The following MDN1 variants were observed in gnomAD, a reference collection of about 807,000 sequenced individuals.
The protein encoded by MDN1 is midasin AAA ATPase 1.
MDN1 carries 266 observed loss-of-function variants against 669.2 expected under a neutral mutation model. The observed-to-expected ratio is 0.40, with a 90% confidence interval of 0.36 to 0.44. The LOEUF (loss-of-function observed/expected upper bound fraction) is 0.44, where lower values mean the gene tolerates loss of function less well. Among genes scored for constraint, MDN1 ranks in the 20% least tolerant of loss-of-function variants. MDN1 has a pLI of 1.00. For synonymous variants in MDN1, 2,385 were observed against 2,457.1 expected, an observed-to-expected ratio of 0.97 and a Z score of 0.87; for missense variants, 5,940 against 6,754.0, an observed-to-expected ratio of 0.88 and a Z score of 4.22.
At chr6:89,741,228 T>A (rs1816280945) in intron 31 of MDN1, among the ~76,000 whole-genome samples, 1 of 152,118 alleles carries the variant, frequency 6.6e-6, no homozygotes, top group Non-Finnish European at 1.5e-5. Flanking sequence ...CAGGATGCTG[T>A]CTCAAAACAA....
chr6:89,764,441 C>CA (rs1817702240), intron 15 of MDN1, among the ~76,000 whole-genome samples: 1 of 152,088 alleles, frequency 6.6e-6, no homozygotes, highest in Non-Finnish European at 1.5e-5. Context: ...CCTGTCTCTA[C>CA]AAAAAATATA....
Position 89,727,841 on chromosome 6 carries a change from A to C in MDN1, c.5464T>G (p.Leu1822Val), listed in dbSNP as rs1291516871. ...AALKAGHWVV[L>V]DELNLASQSV... is the part of the protein sequence containing the mutation. Reference sequence around the variant, plus strand: ...ACAAACAGGCCCCTCACCTCATCCAACACCACCCAATGGCCTGCCTTCAAA... The same window carrying C: ...ACAAACAGGCCCCTCACCTCATCCACCACCACCCAATGGCCTGCCTTCAAA... The change falls in exon 37 of 102, where the codon TTG (leucine) becomes GTG (valine). Residue 1822 changes from leucine (L) to valine (V), a missense_variant. Leu to Val is a conservative substitution (Grantham distance 32). Transcript: ENST00000369393. 1 of 1,613,822 alleles carries C rather than the reference A, an allele frequency of 6.2e-7. No homozygotes were observed. The highest frequency in any genetic ancestry group is 2.2e-5 in the East Asian group (1 of 44,854).
At chr6:89,779,482 C>CTTTG (rs1273743322) in intron 11 of MDN1, among the ~76,000 whole-genome samples, 1 of 152,154 alleles carries the variant, frequency 6.6e-6, no homozygotes, top group African/African-American at 2.4e-5. Flanking sequence ...TTTATGGTGT[C>CTTTG]TTACAAAGAG....
intron 1 of MDN1, among the ~76,000 whole-genome samples, chr6:89,818,703 A>G (rs292236): frequency 0.14 from 21,603 of 151,712 alleles, 1,678 homozygotes; most frequent in South Asian, 0.24. Context: ...CCAGCTACTG[A>G]GAGGGTGAGG....
At chr6:89,758,573 G>A (rs545361985) in intron 18 of MDN1, among the ~76,000 whole-genome samples, 1 of 152,218 alleles carries the variant, frequency 6.6e-6, no homozygotes, top group Admixed American at 6.5e-5. Context: ...CCATTCACCT[G>A]TTATTTTATA....
At position 89,658,877 on chromosome 6, in the gene MDN1, T is replaced by C; in HGVS notation, c.14754A>G (p.Ala4918=). Residue 4918 remains alanine, a synonymous_variant, in exon 89 of 102, where the codon GCA becomes GCG. Transcript: ENST00000369393. ...CTCCTCTTTCCTCAGCTTCATGACCTGCTTCTTCTGGTTTTTCTTTTATCT... is the reference window on the plus strand; with the variant it reads ...CTCCTCTTTCCTCAGCTTCATGACCCGCTTCTTCTGGTTTTTCTTTTATCT... The part of the protein sequence containing the change: ...PLEIKEKPEE[A]GHEAEERGET... The C allele has an allele frequency of 6.2e-7, 1 of 1,613,120 alleles. No homozygotes were observed. Among genetic ancestry groups the C allele is most frequent in the South Asian group, 1.1e-5 (1 of 90,978 alleles).
intron 56 of MDN1, 85 bp downstream of exon 56, chr6:89,700,561 A>C (rs1228364989): frequency 1.8e-5 from 26 of 1,411,894 alleles, no homozygotes; most frequent in Non-Finnish European, 2.5e-5. Context: ...CCAGAAAAGA[A>C]AAATCTAAGG....
chr6:89,728,156 T>C (rs1020273089), intron 36 of MDN1, among the ~76,000 whole-genome samples: 1 of 152,150 alleles, frequency 6.6e-6, no homozygotes, highest in African/African-American at 2.4e-5. Context: ...ACATGTTCCA[T>C]ATATCAATCA....
At chr6:89,652,306 G>C (rs773109560) in intron 94 of MDN1, 25 bp from the exon 95 acceptor site, 1 of 1,601,756 alleles carries the variant, frequency 6.2e-7, no homozygotes, top group South Asian at 1.1e-5. Flanking sequence ...CCATAGATAA[G>C]AGGTGGCCCA....
chr6:89,706,246 C>T (rs1443311802), intron 52 of MDN1, 54 bp from the exon 53 acceptor site: 3 of 1,536,750 alleles, frequency 2.0e-6, no homozygotes, highest in African/African-American at 1.4e-5. Context: ...AAAATAATCT[C>T]TGGACATTTT....
At chr6:89,743,007 A>T (rs777483197) in intron 31 of MDN1, 143 bp downstream of exon 31, 161 of 967,204 alleles carry the variant, frequency 1.7e-4, no homozygotes, top group Non-Finnish European at 2.0e-4. Context: ...ACCTGAGCCC[A>T]GAAGTTTGAG....
Position 89,732,566 on chromosome 6 carries a change from T to C in MDN1, c.4933A>G (p.Ile1645Val). ...CTACCAGACAACATACCTGAACCTA[T>C]TCCATCTATGTACACCAGGCATGCA... ...HAACLVYIDG[I>V]GSGVTSSGFG... Residue 1645 changes from isoleucine (I) to valine (V), a missense_variant, in exon 34 of 102, where the codon ATA (isoleucine) becomes GTA (valine). Coordinates refer to ENST00000369393, the MANE Select transcript of MDN1 (RefSeq NM_014611.3). The C allele has an allele frequency of 1.2e-6, 2 of 1,614,092 alleles. No homozygotes were observed. Among genetic ancestry groups the C allele is most frequent in the South Asian group, 1.1e-5 (1 of 91,084 alleles).
intron 2 of MDN1, among the ~76,000 whole-genome samples, chr6:89,801,295 A>G (rs1767640453): frequency 1.3e-5 from 2 of 152,176 alleles, no homozygotes; most frequent in Non-Finnish European, 2.9e-5. Context: ...AGGCCGAGGC[A>G]GGCAGATCAC....
chr6:89,783,903 A>G (rs1818811873), intron 9 of MDN1, among the ~76,000 whole-genome samples: 1 of 151,998 alleles, frequency 6.6e-6, no homozygotes, highest in Non-Finnish European at 1.5e-5. Flanking sequence ...AATCGCTTGA[A>G]TATGGGAGGC....
intron 20 of MDN1, 99 bp downstream of exon 20, chr6:89,756,178 G>A (rs1817233754): frequency 1.8e-6 from 1 of 558,968 alleles, no homozygotes; most frequent in Middle Eastern, 3.0e-4. Flanking sequence ...GTTTTCTCAA[G>A]TTAGAAGTAA....
Position 89,656,750 on chromosome 6 carries a change from T to C in MDN1, c.15235A>G (p.Asn5079Asp), listed in dbSNP as rs1204572164. 1 of 1,613,624 alleles carries C rather than the reference T, an allele frequency of 6.2e-7. No homozygotes were observed. Among genetic ancestry groups the C allele is most frequent in the Admixed American group, 1.7e-5 (1 of 59,972 alleles). The change falls in exon 91 of 102, where the codon AAT becomes GAT. Residue 5079 changes from asparagine (N) to aspartate (D), a missense_variant. By Grantham distance (23) the Asn-to-Asp change is conservative. This residue lies in a region of MDN1 where 2,280 missense variants were observed against 2,576.3 expected (regional missense o/e 0.88). Transcript: ENST00000369393. ...DANQAEGHESNFIAQLASQKH... is the reference protein window; with the variant it reads ...DANQAEGHESDFIAQLASQKH... ...TGGGAGGCCAACTGGGCAATGAAAT[T>C]CGATTCATGGCCTTCTGCCTGGTTT...
At chr6:89,816,053 A>C (rs1433299711) in intron 1 of MDN1, among the ~76,000 whole-genome samples, 2 of 152,220 alleles carry the variant, frequency 1.3e-5, no homozygotes, top group Non-Finnish European at 2.9e-5. Flanking sequence ...AAGAAACCAG[A>C]TAGCATTGCT....
intron 85 of MDN1, among the ~76,000 whole-genome samples, 167 bp from the exon 86 acceptor site, chr6:89,663,134 T>C (rs184480962): frequency 7.9e-5 from 12 of 152,194 alleles, no homozygotes; most frequent in African/African-American, 2.9e-4. Context: ...ACTGACATAG[T>C]CTTACTGTGT....
intron 31 of MDN1, 117 bp from the exon 32 acceptor site, chr6:89,740,495 T>A: frequency 2.0e-6 from 2 of 979,818 alleles, no homozygotes; most frequent in Non-Finnish European, 2.8e-6. Flanking sequence ...ATTTTTACTT[T>A]AGTTAATGGT....
Sources: gnomAD v4.1 joint callset for allele counts (sites outside exome capture counted in the v4.1 genomes callset) on GRCh38, gnomAD v4.1.1 for gene constraint, gnomAD v4.1.1 regional missense constraint, MANE v1.5 for transcripts, NCBI Gene and HGNC (gene_info 2026-07-23, HGNC 2026-07-21) for gene names.